The following NDUFAF6 variants were observed in gnomAD, a reference collection of about 807,000 sequenced individuals.
The protein encoded by NDUFAF6 is NADH:ubiquinone oxidoreductase complex assembly factor 6, also known as NADH dehydrogenase (ubiquinone) complex I, assembly factor 6.
In NDUFAF6, 45 loss-of-function variants were observed where a neutral mutation model predicts 40.8. That is an observed-to-expected ratio of 1.10 (90% CI 0.87 to 1.42). The LOEUF is 1.42. Among genes scored for constraint, NDUFAF6 ranks in the 40% most tolerant of loss-of-function variants. NDUFAF6 has a pLI of 0.00. For missense variants in NDUFAF6, 435 were observed against 418.5 expected, an observed-to-expected ratio of 1.04 and a Z score of -0.34; for synonymous variants, 185 against 155.9, an observed-to-expected ratio of 1.19 and a Z score of -1.39.
chr8:94,986,564 A>G (rs992870767), intron 2 of NDUFAF6, among the ~76,000 whole-genome samples: 1 of 152,222 alleles, frequency 6.6e-6, no homozygotes, highest in Non-Finnish European at 1.5e-5. Flanking sequence ...ATTTCCATAA[A>G]TAGCTTAATA....
intron 2 of NDUFAF6, among the ~76,000 whole-genome samples, chr8:95,003,447 G>A (rs754104745): frequency 6.6e-6 from 1 of 152,156 alleles, no homozygotes; most frequent in African/African-American, 2.4e-5. Flanking sequence ...CTCAGTACTG[G>A]GTAGGTATAC....
At chr8:95,063,750 A>G (rs7822715) in intron 9 of NDUFAF6, among the ~76,000 whole-genome samples, 25 of 152,154 alleles carry the variant, frequency 1.6e-4, no homozygotes, top group African/African-American at 6.0e-4. Flanking sequence ...TTTCTCAGGG[A>G]GTAAGTTCAA....
chr8:95,052,990 T>A (rs1055828027), intron 8 of NDUFAF6, among the ~76,000 whole-genome samples: 2 of 152,184 alleles, frequency 1.3e-5, no homozygotes, highest in East Asian at 1.9e-4. Flanking sequence ...TTACTTCATT[T>A]TATAGATAGA....
chr8:95,100,893 C>T (rs147011702), intron 1 of NDUFAF6, among the ~76,000 whole-genome samples: 2 of 152,278 alleles, frequency 1.3e-5, no homozygotes, highest in African/African-American at 4.8e-5. Flanking sequence ...TCCCTCCCGA[C>T]CCCCCTCGCC....
At chr8:95,088,855 G>A (rs1483235815) in intron 2 of NDUFAF6, among the ~76,000 whole-genome samples, 2 of 151,578 alleles carry the variant, frequency 1.3e-5, no homozygotes, top group African/African-American at 4.9e-5. Flanking sequence ...CCGCCTCCCG[G>A]GCTCAAGTGA....
At chr8:95,113,391 A>G (rs949468923) in intron 4 of NDUFAF6, among the ~76,000 whole-genome samples, 12 of 152,178 alleles carry the variant, frequency 7.9e-5, no homozygotes, top group African/African-American at 2.9e-4. Flanking sequence ...GGGAGGTCTC[A>G]TGGAGGAATG....
intron 2 of NDUFAF6, among the ~76,000 whole-genome samples, chr8:95,082,649 T>C (rs1032138214): frequency 2.7e-5 from 4 of 149,390 alleles, no homozygotes; most frequent in African/African-American, 7.7e-5. Flanking sequence ...GTTTGTTTGT[T>C]TGTTTTGTTT....
At chr8:94,913,854 C>T (rs1450664219) in intron 1 of NDUFAF6, among the ~76,000 whole-genome samples, 1 of 152,058 alleles carries the variant, frequency 6.6e-6, no homozygotes, top group Admixed American at 6.5e-5. Flanking sequence ...TGCTGTGGCG[C>T]GATCTCAGCT....
chr8:95,029,964 A>G (rs1828640983), intron 1 of NDUFAF6, among the ~76,000 whole-genome samples: 2 of 152,254 alleles, frequency 1.3e-5, no homozygotes, highest in East Asian at 3.9e-4. Context: ...GTGGGGAGAT[A>G]CTTCAGTACT....
intron 1 of NDUFAF6, among the ~76,000 whole-genome samples, chr8:94,909,348 CAAAAAAAA>C (rs556065794): frequency 1.2e-4 from 11 of 91,910 alleles, no homozygotes; most frequent in African/African-American, 3.1e-4. Context: ...GACTCCGTCT[CAAAAAAAA>C]AAAAAAAAAA....
chr8:95,075,834 C>A, exon 10 of NDUFAF6: 1 of 534,970 alleles, frequency 1.9e-6, no homozygotes, highest in Non-Finnish European at 3.2e-6. Flanking sequence ...CTTCTCCTTG[C>A]GCTATTTTGA....
chr8:94,939,910 G>A, intron 1 of NDUFAF6: 1 of 1,614,148 alleles, frequency 6.2e-7, no homozygotes, highest in South Asian at 1.1e-5. Context: ...TGGCCTCACT[G>A]AGACCAGGGC....
intron 9 of NDUFAF6, among the ~76,000 whole-genome samples, chr8:95,064,510 GAGAT>G (rs762098445): frequency 5.3e-4 from 81 of 151,506 alleles, no homozygotes; most frequent in Non-Finnish European, 1.0e-3. Context: ...CACCAGGTAA[GAGAT>G]AGCCACTGTG....
chr8:94,985,480 TATATATATATATATATATATATATATATA>T (rs1825749412), intron 2 of NDUFAF6, among the ~76,000 whole-genome samples: 4 of 2,924 alleles, frequency 1.4e-3, no homozygotes, highest in Admixed American at 2.7e-3. Context: ...TATATATATA[TATATATATATATATATATATATATATATA>T]TATATATTTT....
At chr8:94,924,349 C>T (rs144147756) in intron 1 of NDUFAF6, among the ~76,000 whole-genome samples, 2,412 of 152,278 alleles carry the variant, frequency 0.016, 68 homozygotes, top group African/African-American at 0.054. Flanking sequence ...CATGAGCCAC[C>T]GCACCCGGCC....
chr8:95,110,070 G>A (rs1165734468), intron 4 of NDUFAF6, among the ~76,000 whole-genome samples: 1 of 152,202 alleles, frequency 6.6e-6, no homozygotes, highest in Non-Finnish European at 1.5e-5. Flanking sequence ...ACCTGTGGCA[G>A]TTTCTCCAAT....
intron 4 of NDUFAF6, among the ~76,000 whole-genome samples, chr8:95,043,785 G>A (rs960792517): frequency 1.3e-5 from 2 of 152,192 alleles, no homozygotes; most frequent in Non-Finnish European, 1.5e-5. Flanking sequence ...CATTGCTGGT[G>A]GGAATGTGAA....
At chr8:95,108,605 A>G (rs1223472426) in intron 4 of NDUFAF6, among the ~76,000 whole-genome samples, 7 of 152,132 alleles carry the variant, frequency 4.6e-5, no homozygotes, top group Admixed American at 2.0e-4. Flanking sequence ...TCTGCTTGGG[A>G]TGATGAAAAA....
intron 2 of NDUFAF6, among the ~76,000 whole-genome samples, chr8:95,088,290 AT>A (rs1809115981): frequency 1.3e-5 from 2 of 152,166 alleles, no homozygotes; most frequent in South Asian, 4.1e-4. Context: ...AGATATGCCC[AT>A]TGGATGGGGT....
Sources: allele counts gnomAD v4.1 joint callset (sites outside exome capture counted in the v4.1 genomes callset), GRCh38; gene constraint gnomAD v4.1.1; transcripts MANE v1.5; gene names NCBI Gene and HGNC (gene_info 2026-07-23, HGNC 2026-07-21).